The following CDH10 variants were observed in gnomAD, a reference collection of about 807,000 sequenced individuals.
CDH10 encodes cadherin 10, also known as cadherin-10.
A neutral mutation model predicts 73.1 loss-of-function variants in CDH10; 30 were observed. The ratio of observed to expected loss-of-function variants is 0.41; its 90% CI spans 0.31 to 0.56. CDH10 has a LOEUF of 0.56. CDH10 is among the 20% of genes least tolerant of loss of function. CDH10 has a pLI of 0.27. For synonymous variants in CDH10, 345 were observed against 348.2 expected, an observed-to-expected ratio of 0.99 and a Z score of 0.10; for missense variants, 815 against 973.7, an observed-to-expected ratio of 0.84 and a Z score of 2.17.
rs1554016940 is a variant in CDH10 at position 24,504,506 on chromosome 5, C to CTGT, written c.1393+605_1393+606insACA. ...TATTAAATGCTTTTCTCCTATTAATCTTTTTTTTTTTTTTTTTTTTTTTTT... is the reference window on the plus strand; with the variant it reads ...TATTAAATGCTTTTCTCCTATTAATCTGTTTTTTTTTTTTTTTTTTTTTTTTTT... On this transcript the variant is annotated intron_variant, in intron 8 of 11. Transcript: ENST00000264463. Among the ~76,000 whole-genome samples, 368 of 65,160 alleles carry CTGT rather than the reference C, an allele frequency of 5.6e-3. 41 individuals carry two copies. The highest frequency in any genetic ancestry group is 0.021 in the African/African-American group (330 of 16,038). The allele number at this position is 65,160 out of a possible 152,430, so 42.7% of individuals were successfully genotyped here.
chr5:24,601,789 G>A (rs774919031), intron 1 of CDH10, among the ~76,000 whole-genome samples: 10 of 151,832 alleles, frequency 6.6e-5, no homozygotes, highest in Non-Finnish European at 1.5e-4. Flanking sequence ...GGTTAAAGTC[G>A]TAAATTAGTT....
At chr5:24,632,133 A>T (rs1747722546) in intron 1 of CDH10, among the ~76,000 whole-genome samples, 1 of 152,052 alleles carries the variant, frequency 6.6e-6, no homozygotes, top group Non-Finnish European at 1.5e-5. Flanking sequence ...GGAAGTAGAT[A>T]TTTCTAGCTA....
chr5:24,611,706 T>A (rs1007946200), intron 1 of CDH10: 1 of 152,160 alleles, frequency 6.6e-6, no homozygotes, highest in African/African-American at 2.4e-5. Context: ...ACCGATCTAG[T>A]AACTTGCTGC....
intron 2 of CDH10, among the ~76,000 whole-genome samples, chr5:24,561,443 T>C (rs376250729): frequency 2.6e-5 from 4 of 152,232 alleles, no homozygotes; most frequent in African/African-American, 9.6e-5. Context: ...TCTAGCAATG[T>C]TACAGTAAAT....
chr5:24,631,186 T>A (rs1483194723), intron 1 of CDH10, among the ~76,000 whole-genome samples: 1 of 152,128 alleles, frequency 6.6e-6, no homozygotes, highest in Admixed American at 6.6e-5. Context: ...GTTAATCTCA[T>A]CCCTGAAGGA....
rs894221809 is a variant in CDH10, at chr5:24,505,130, C to T, written c.1375G>A (p.Val459Ile). The T allele has an allele frequency of 3.7e-6, 6 of 1,610,938 alleles. No individual in the cohort carries two copies. In the African/African-American group the frequency reaches 4.0e-5, roughly 11 times the overall value. ...RELSQWHNLT[V>I]IAAEINNPKE... ...ATCTTACTGATTTCAGCAGCAATAACAGTAAGATTATGCCACTGAGATAGT... is the reference window on the plus strand; with the variant it reads ...ATCTTACTGATTTCAGCAGCAATAATAGTAAGATTATGCCACTGAGATAGT... Residue 459 changes from valine to isoleucine, a missense_variant, in exon 8 of 12, where the codon GTT (valine) becomes ATT (isoleucine). Val to Ile is a conservative substitution (Grantham distance 29, BLOSUM62 3). Around this residue, in one of 3 missense-constraint regions of CDH10, gnomAD observed 516 missense variants for 636.6 expected, o/e 0.81. Coordinates refer to ENST00000264463, the MANE Select transcript of CDH10 (RefSeq NM_006727.5).
chr5:24,492,543 G>T (rs1391411705), intron 10 of CDH10, among the ~76,000 whole-genome samples: 1 of 152,032 alleles, frequency 6.6e-6, no homozygotes, highest in Non-Finnish European at 1.5e-5. Flanking sequence ...TATTATTGTT[G>T]TAAGAATTAT....
chr5:24,635,370 T>C (rs1355297108), intron 1 of CDH10, among the ~76,000 whole-genome samples: 2 of 152,034 alleles, frequency 1.3e-5, no homozygotes, highest in Non-Finnish European at 2.9e-5. Context: ...GGCTCATGTT[T>C]CACCTGAGTG....
intron 1 of CDH10, among the ~76,000 whole-genome samples, chr5:24,623,826 G>T (rs942005839): frequency 1.9e-4 from 29 of 152,214 alleles, no homozygotes; most frequent in African/African-American, 6.7e-4. Context: ...CGCAGCATGT[G>T]TCTCTTTTTT....
chr5:24,515,888 T>A (rs142993425), intron 5 of CDH10, among the ~76,000 whole-genome samples: 124 of 120,774 alleles, frequency 1.0e-3, no homozygotes, highest in African/African-American at 3.2e-3. Flanking sequence ...GATCTGATGG[T>A]TTTATACAGG....
intron 5 of CDH10, among the ~76,000 whole-genome samples, chr5:24,526,991 C>T (rs556900977): frequency 1.3e-5 from 2 of 150,606 alleles, no homozygotes; most frequent in African/African-American, 4.9e-5. Flanking sequence ...TCCCTCATTG[C>T]CCCTTATTTT....
At chr5:24,509,369 A>G (rs557586579) in intron 7 of CDH10, among the ~76,000 whole-genome samples, 197 bp downstream of exon 7, 4 of 149,616 alleles carry the variant, frequency 2.7e-5, no homozygotes, top group African/African-American at 9.8e-5. Flanking sequence ...CCTCCTGAGT[A>G]GCTGGGATTA....
chr5:24,566,635 A>G (rs1333974370), intron 2 of CDH10, among the ~76,000 whole-genome samples: 1 of 152,134 alleles, frequency 6.6e-6, no homozygotes, highest in Admixed American at 6.5e-5. Context: ...ATTATGCTAG[A>G]ACAACTGGTT....
intron 2 of CDH10, among the ~76,000 whole-genome samples, chr5:24,582,509 G>C (rs1445036247): frequency 1.3e-5 from 2 of 152,238 alleles, no homozygotes; most frequent in East Asian, 3.9e-4. Context: ...ACACCACAAA[G>C]AGGGATTCCT....
At chr5:24,570,477 G>A (rs1745336202) in intron 2 of CDH10, among the ~76,000 whole-genome samples, 1 of 152,090 alleles carries the variant, frequency 6.6e-6, no homozygotes, top group Non-Finnish European at 1.5e-5. Flanking sequence ...AAGCTCTAGA[G>A]ACCCCAGAAG....
intron 4 of CDH10, 34 bp downstream of exon 4, chr5:24,535,669 T>C (rs767354758): frequency 2.5e-6 from 4 of 1,586,584 alleles, no homozygotes; most frequent in African/African-American, 1.4e-5. Context: ...ATAAAGATGA[T>C]CAAATGAACA....
At chr5:24,618,390 C>T (rs555930143) in intron 1 of CDH10, among the ~76,000 whole-genome samples, 77 of 152,182 alleles carry the variant, frequency 5.1e-4, no homozygotes, top group African/African-American at 1.8e-3. Flanking sequence ...TTTTTAAATC[C>T]TTTCAATTAA....
chr5:24,538,779 C>T (rs969968538), intron 2 of CDH10, among the ~76,000 whole-genome samples: 1 of 152,038 alleles, frequency 6.6e-6, no homozygotes, highest in African/African-American at 2.4e-5. Context: ...TGGAAATGGA[C>T]AGGCAGTTGC....
Position 24,535,311 on chromosome 5 carries a change from T to C in CDH10, c.647-32A>G, listed in dbSNP as rs777259747. ...AAAATATAAAAAAACTTCCATTATC[T>C]TCACTGAAATCTCCATTGTTATTTT... On this transcript the variant is annotated intron_variant, in intron 4 of 11. Coordinates refer to ENST00000264463, the MANE Select transcript of CDH10 (RefSeq NM_006727.5). 20 of 1,564,030 alleles carry C rather than the reference T, an allele frequency of 1.3e-5. No homozygotes were observed. The Admixed American group carries it at 3.9e-4, about 31-fold the overall frequency.
Sources: gnomAD v4.1 joint callset for allele counts (sites outside exome capture counted in the v4.1 genomes callset) on GRCh38, gnomAD v4.1.1 for gene constraint, gnomAD v4.1.1 regional missense constraint, MANE v1.5 for transcripts, NCBI Gene and HGNC (gene_info 2026-07-23, HGNC 2026-07-21) for gene names.